The following FAM149A variants were observed in gnomAD, a reference collection of about 807,000 sequenced individuals.
FAM149A encodes the protein family with sequence similarity 149 member A, also known as protein FAM149A.
Under a neutral mutation model 78.2 loss-of-function variants are expected in FAM149A, and 71 were observed. The ratio of observed to expected loss-of-function variants is 0.91; its 90% CI spans 0.75 to 1.11. The LOEUF (loss-of-function observed/expected upper bound fraction) is 1.11. Among genes scored for constraint, FAM149A ranks in the 50% least tolerant of loss-of-function variants. FAM149A has a pLI of 0.00. For missense variants in FAM149A, 1,036 were observed against 971.0 expected, an observed-to-expected ratio of 1.07 and a Z score of -0.89; for synonymous variants, 446 against 410.5, an observed-to-expected ratio of 1.09 and a Z score of -1.04.
In FAM149A at chr4:186,154,468, G is replaced by A; in HGVS notation, c.1059G>A (p.Glu353=). The stretch of plus-strand genomic sequence containing the variant: ...TGTAGAATCTGTTTTTTTCCCATAG[G>A]TTGTGCATTTCTGGCTCTCAAATAG... The change falls in exon 6 of 14, where the codon GAG becomes GAA. Residue 353 remains glutamate (E), a splice_region_variant and synonymous_variant. Coordinates refer to ENST00000389354, the MANE Select transcript of FAM149A (RefSeq NM_001367768.3). The A allele has an allele frequency of 1.9e-6, 3 of 1,605,622 alleles. No homozygotes were observed. The highest frequency in any genetic ancestry group is 2.6e-6 in the Non-Finnish European group (3 of 1,175,890).
chr4:186,120,590 G>A lies in FAM149A; in HGVS notation c.566+14948G>A, dbSNP rs549979838. Among the ~76,000 whole-genome samples, 6 of 151,682 alleles carry A rather than the reference G, an allele frequency of 4.0e-5. No individual in the cohort carries two copies. In the South Asian group the frequency reaches 1.3e-3, roughly 32 times the overall value. On this transcript the variant is annotated intron_variant, in intron 1 of 13. Transcript: ENST00000389354. ...AGGTGGATCACGAGATTAGGAGTTT[G>A]AGACCAGCCTGGCCAATATGGTGAA... is the stretch of plus-strand genomic sequence containing the variant.
rs1301734450 is a variant in FAM149A, at chr4:186,105,156, C to T, written c.80C>T (p.Ser27Phe). ...TCGACGGCGCCCCCCGCAGGCCCCTCCTCCAGACCCTCGGGAGGTGCTGCC... is the reference window on the plus strand; with the variant it reads ...TCGACGGCGCCCCCCGCAGGCCCCTTCTCCAGACCCTCGGGAGGTGCTGCC... The change falls in exon 1 of 14, where the codon TCC becomes TTC. Residue 27 changes from serine (S) to phenylalanine (F), a missense_variant. By Grantham distance (155) the Ser-to-Phe change is radical. This residue lies in a region of FAM149A where 316 missense variants were observed against 241.9 expected (regional missense o/e 1.31). Coordinates refer to ENST00000389354, the MANE Select transcript of FAM149A (RefSeq NM_001367768.3). The T allele has an allele frequency of 7.8e-7, 1 of 1,279,548 alleles. No homozygotes were observed. The highest frequency in any genetic ancestry group is 6.1e-5 in the East Asian group (1 of 16,334). 79.3% of individuals were successfully genotyped at this position (1,279,548 alleles called of 1,614,324 possible). A position where few individuals can be genotyped will look rare whatever the true frequency, so the allele number is the denominator to read the frequency against.
chr4:186,136,648 A>G (rs1293263151), intron 1 of FAM149A, among the ~76,000 whole-genome samples: 2 of 152,166 alleles, frequency 1.3e-5, no homozygotes, highest in Non-Finnish European at 2.9e-5. Context: ...AAGTCTAAGT[A>G]TTTTTCATCC....
chr4:186,121,343 C>T (rs2099315999), intron 1 of FAM149A, among the ~76,000 whole-genome samples: 1 of 151,960 alleles, frequency 6.6e-6, no homozygotes, highest in Non-Finnish European at 1.5e-5. Flanking sequence ...GTAATCCTTG[C>T]CAGGCACTAA....
intron 1 of FAM149A, among the ~76,000 whole-genome samples, chr4:186,133,510 C>T (rs1460630098): frequency 6.6e-6 from 1 of 152,166 alleles, no homozygotes; most frequent in Non-Finnish European, 1.5e-5. Context: ...TTTTAAGGTT[C>T]ATCCATGTTA....
intron 1 of FAM149A, among the ~76,000 whole-genome samples, chr4:186,119,504 G>A (rs1370389324): frequency 6.6e-6 from 1 of 152,190 alleles, no homozygotes; most frequent in African/African-American, 2.4e-5. Flanking sequence ...CCCTTCTGTT[G>A]TTTAATAAAG....
chr4:186,150,169 AG>A (rs1341239878), intron 3 of FAM149A, among the ~76,000 whole-genome samples: 3 of 152,030 alleles, frequency 2.0e-5, no homozygotes, highest in Non-Finnish European at 4.4e-5. Context: ...TGTCTGTGTG[AG>A]CCTGGGATTC....
Position 186,157,662 on chromosome 4 carries a change from G to A in FAM149A, c.1518G>A (p.Pro506=), listed in dbSNP as rs141785079. ...ACGCCGATGGAGCCAGTGGCCCCCCGTCCGGACACGCCGAGGCTCACGGCA... is the reference window on the plus strand; with the variant it reads ...ACGCCGATGGAGCCAGTGGCCCCCCATCCGGACACGCCGAGGCTCACGGCA... Residue 506 remains proline, a synonymous_variant, in exon 8 of 14, where the codon CCG becomes CCA. Transcript: ENST00000389354. The A allele has an allele frequency of 1.5e-5, 25 of 1,614,042 alleles. No homozygotes were observed. In the African/African-American group the frequency reaches 1.7e-4, roughly 11 times the overall value.
chr4:186,151,310 C>T (rs1433260626), intron 3 of FAM149A, among the ~76,000 whole-genome samples: 3 of 152,302 alleles, frequency 2.0e-5, no homozygotes, highest in South Asian at 2.1e-4. Context: ...TTTAGTACAA[C>T]GTTTAATGGA....
rs538743346 is a variant in FAM149A, at chr4:186,169,169, A to G, written c.2218+1907A>G. 329 of 983,362 alleles carry G rather than the reference A, an allele frequency of 3.3e-4. No homozygotes were observed. In the African/African-American group the frequency reaches 5.4e-3, roughly 16 times the overall value. 60.9% of individuals were successfully genotyped at this position (983,362 alleles called of 1,614,324 possible). A position where few individuals can be genotyped will look rare whatever the true frequency, so the allele number is the denominator to read the frequency against. ...AATCTCACTGTTAATCATTGACCAA[A>G]TGCCAAGTCAGTGTATTCTCTTATC... is the stretch of plus-strand genomic sequence containing the variant. On this transcript the variant is annotated intron_variant, in intron 13 of 13. Transcript: ENST00000389354.
intron 1 of FAM149A, among the ~76,000 whole-genome samples, chr4:186,119,752 A>T (rs928793017): frequency 6.6e-6 from 1 of 152,202 alleles, no homozygotes; most frequent in Non-Finnish European, 1.5e-5. Flanking sequence ...CTCTTTGTAT[A>T]GAAAGGTAAA....
chr4:186,136,988 C>CTCTCTCTCTT (rs1561396467), intron 1 of FAM149A, among the ~76,000 whole-genome samples: 20 of 121,596 alleles, frequency 1.6e-4, no homozygotes, highest in African/African-American at 6.2e-4. Context: ...CTCTCTCTCT[C>CTCTCTCTCTT]TCTCTCTCTC....
intron 4 of FAM149A, 119 bp downstream of exon 4, chr4:186,152,164 C>A: frequency 2.2e-6 from 2 of 899,676 alleles, no homozygotes; most frequent in Non-Finnish European, 3.5e-6. Flanking sequence ...AATATGGATG[C>A]AGAGCGCAGT....
In FAM149A at chr4:186,105,620, G is replaced by A; in HGVS notation, c.544G>A (p.Gly182Ser). Residue 182 changes from glycine to serine, a missense_variant, in exon 1 of 14, where the codon GGC becomes AGC. Around this residue, in one of 3 missense-constraint regions of FAM149A, gnomAD observed 316 missense variants for 241.9 expected, o/e 1.31. Coordinates refer to ENST00000389354, the MANE Select transcript of FAM149A (RefSeq NM_001367768.3). The stretch of plus-strand genomic sequence containing the variant: ...CATCGGCGAGGAGGGGGCCTCGGAC[G>A]GCGACTCCGGGGATGGCGAAGCGTG... 3 of 1,056,834 alleles carry A rather than the reference G, an allele frequency of 2.8e-6. No homozygotes were observed. The highest frequency in any genetic ancestry group is 3.4e-6 in the Non-Finnish European group (3 of 870,008). The allele number at this position is 1,056,834 out of a possible 1,614,324, so 65.5% of individuals were successfully genotyped here.
chr4:186,173,294 A>G lies in FAM149A; in HGVS notation c.*1307A>G, dbSNP rs1290811460. 1.2e-4 allele frequency among the ~76,000 whole-genome samples: 13 copies of G among 112,100 alleles called. 3 individuals are homozygous for G. Among genetic ancestry groups the G allele is most frequent in the African/African-American group, 3.6e-4 (13 of 35,822 alleles). The allele number at this position is 112,100 out of a possible 152,430, so 73.5% of individuals were successfully genotyped here. On this transcript the variant is annotated 3_prime_UTR_variant, in exon 14 of 14. Coordinates refer to ENST00000389354, the MANE Select transcript of FAM149A (RefSeq NM_001367768.3). ...CCTTTATCACAGGGTGACAAAAATGACCCAGAGCCTTGCCTCTGTTTGAAA... is the reference window on the plus strand; with the variant it reads ...CCTTTATCACAGGGTGACAAAAATGGCCCAGAGCCTTGCCTCTGTTTGAAA...
rs1355538314 is a variant in FAM149A, at chr4:186,154,493, G to C, written c.1084G>C (p.Val362Leu). The C allele has an allele frequency of 6.2e-7, 1 of 1,613,146 alleles. No individual in the cohort carries two copies. Among genetic ancestry groups the C allele is most frequent in the South Asian group, 1.1e-5 (1 of 90,852 alleles). ...GTTGTGCATTTCTGGCTCTCAAATA[G>C]TCCCAGCAGCACTCTCAGCCTCTGC... The change falls in exon 6 of 14, where the codon GTC becomes CTC. Residue 362 changes from valine (V) to leucine (L), a missense_variant. Physicochemically the swap from Val to Leu is conservative, Grantham distance 32 (BLOSUM62 1). Transcript: ENST00000389354.
chr4:186,169,064 C>A, intron 13 of FAM149A: 1 of 330,108 alleles, frequency 3.0e-6, no homozygotes, highest in Non-Finnish European at 4.3e-6. Flanking sequence ...TACAGCACGC[C>A]GAGTGGAGGT....
chr4:186,109,493 C>T lies in FAM149A; in HGVS notation c.566+3851C>T, dbSNP rs563866267. 215 of 985,144 alleles carry T rather than the reference C, an allele frequency of 2.2e-4. 1 individual carries two copies. Among genetic ancestry groups the T allele is most frequent in the Admixed American group, 9.2e-4 (15 of 16,254 alleles). The allele number at this position is 985,144 out of a possible 1,614,324, so 61.0% of individuals were successfully genotyped here. A position where few individuals can be genotyped will look rare whatever the true frequency, so the allele number is the denominator to read the frequency against. On this transcript the variant is annotated intron_variant, in intron 1 of 13. Coordinates refer to ENST00000389354, the MANE Select transcript of FAM149A (RefSeq NM_001367768.3). ...GAAGCCTGTAGACCCGGAAACCAGA[C>T]GAGGTGGATTCCACCTCAAACCGAT...
At chr4:186,133,157 C>A (rs1384131980) in intron 1 of FAM149A, 2 of 985,300 alleles carry the variant, frequency 2.0e-6, no homozygotes, top group Non-Finnish European at 1.2e-6. Flanking sequence ...CTACACACTA[C>A]ATTCTGCAAG....
Sources: allele counts gnomAD v4.1 joint callset (sites outside exome capture counted in the v4.1 genomes callset), GRCh38; gene constraint gnomAD v4.1.1; regional missense constraint gnomAD v4.1.1; transcripts MANE v1.5; gene names NCBI Gene and HGNC (gene_info 2026-07-23, HGNC 2026-07-21).